The following CHLSN variants were observed in gnomAD, a reference collection of about 807,000 sequenced individuals.
The protein encoded by CHLSN is protein cholesin.
the CHLSN span, among the ~76,000 whole-genome samples, chr7:1,003,937 G>C: frequency 2.9e-5 from 4 of 137,622 alleles, no homozygotes; most frequent in Non-Finnish European, 4.8e-5. Flanking sequence ...AGTCCTGTGG[G>C]TGGGGAGTCC....
the CHLSN span, among the ~76,000 whole-genome samples, chr7:999,980 C>T: frequency 6.6e-6 from 1 of 152,246 alleles, no homozygotes; most frequent in African/African-American, 2.4e-5. Flanking sequence ...AGACACACAT[C>T]ACGCGCACAC....
chr7:1,091,213 T>A, the CHLSN span, among the ~76,000 whole-genome samples: 2 of 152,182 alleles, frequency 1.3e-5, no homozygotes, highest in African/African-American at 4.8e-5. Flanking sequence ...AAGAAGGCCA[T>A]GTACTTCCCA....
the CHLSN span, among the ~76,000 whole-genome samples, chr7:1,062,627 T>C: frequency 6.6e-5 from 10 of 152,140 alleles, no homozygotes; most frequent in Non-Finnish European, 1.5e-4. Context: ...AAAGTCACCA[T>C]TGACTACACC....
At chr7:1,011,515 C>T in the CHLSN span, among the ~76,000 whole-genome samples, 5 of 149,218 alleles carry the variant, frequency 3.4e-5, no homozygotes, top group African/African-American at 1.3e-4. Context: ...CCTGACACAC[C>T]CACACCCAGA....
At chr7:1,074,166 C>T in the CHLSN span, among the ~76,000 whole-genome samples, 119 of 15,198 alleles carry the variant, frequency 7.8e-3, 5 homozygotes, top group African/African-American at 0.046. Context: ...CCCCGCACCC[C>T]GCCGCCGTCA....
the CHLSN span, among the ~76,000 whole-genome samples, chr7:1,094,370 C>G: frequency 6.6e-6 from 1 of 152,254 alleles, no homozygotes; most frequent in South Asian, 2.1e-4. Context: ...GGGAACTAGC[C>G]ACCTGTACTA....
the CHLSN span, chr7:1,127,241 G>A: frequency 6.3e-7 from 1 of 1,586,944 alleles, no homozygotes; most frequent in Non-Finnish European, 8.5e-7. Flanking sequence ...GGCCAGTGAA[G>A]CACAGGCGGC....
the CHLSN span, chr7:987,514 G>A: frequency 8.2e-4 from 1,249 of 1,530,202 alleles, 6 homozygotes; most frequent in Middle Eastern, 0.013. Context: ...ACAGCTGGGC[G>A]GCTTCCTGCT....
the CHLSN span, among the ~76,000 whole-genome samples, chr7:1,117,485 G>A: frequency 0.01 from 1,409 of 135,476 alleles, 43 homozygotes; most frequent in East Asian, 0.1. Context: ...TCTACGGACC[G>A]GCTTCCATCA....
the CHLSN span, among the ~76,000 whole-genome samples, chr7:1,095,630 CG>C: frequency 6.6e-6 from 1 of 152,256 alleles, no homozygotes; most frequent in African/African-American, 2.4e-5. Flanking sequence ...GAGACCCACA[CG>C]GAACGTGGTC....
chr7:1,008,196 T>C, the CHLSN span, among the ~76,000 whole-genome samples: 1 of 152,164 alleles, frequency 6.6e-6, no homozygotes, highest in Non-Finnish European at 1.5e-5. Context: ...AGTCCATTCC[T>C]GCGGCTGGCA....
At chr7:1,002,691 GAGTGGAGCCCTGTGGGT>G in the CHLSN span, among the ~76,000 whole-genome samples, 1 of 84,074 alleles carries the variant, frequency 1.2e-5, no homozygotes, top group African/African-American at 6.6e-5. Context: ...TCCTGCGGGT[GAGTGGAGCCCTGTGGGT>G]GAGTGGAGCC....
the CHLSN span, chr7:1,028,197 G>C: frequency 1.0e-6 from 1 of 995,388 alleles, no homozygotes; most frequent in Non-Finnish European, 1.2e-6. Flanking sequence ...CGGGGCTGGG[G>C]CAGGGCCCCT....
the CHLSN span, chr7:1,000,657 C>G: frequency 1.2e-6 from 1 of 852,928 alleles, no homozygotes; most frequent in Non-Finnish European, 1.9e-6. Context: ...GGGAGCCCCA[C>G]CAGGTACTAC....
chr7:1,057,033 C>T, the CHLSN span, among the ~76,000 whole-genome samples: 3 of 152,128 alleles, frequency 2.0e-5, no homozygotes. Flanking sequence ...CTCCAAGGCA[C>T]CGGGTCCTGA....
chr7:1,086,371 C>T, the CHLSN span, among the ~76,000 whole-genome samples: 13 of 152,308 alleles, frequency 8.5e-5, no homozygotes, highest in African/African-American at 3.1e-4. Context: ...ATCTCAACTT[C>T]ACAGCTGGTC....
chr7:1,093,755 A>C, the CHLSN span: 1 of 451,800 alleles, frequency 2.2e-6, no homozygotes, highest in Non-Finnish European at 4.7e-6. Context: ...AAATGTAAGA[A>C]AAGCTGATGA....
chr7:1,055,574 A>G, the CHLSN span: 2 of 391,936 alleles, frequency 5.1e-6, no homozygotes, highest in Non-Finnish European at 1.0e-5. Flanking sequence ...GACTCTGTGC[A>G]GCACAGGTGG....
the CHLSN span, among the ~76,000 whole-genome samples, chr7:1,016,281 A>G: frequency 1.9e-5 from 1 of 52,292 alleles, no homozygotes; most frequent in Non-Finnish European, 3.3e-5. Context: ...GCACGCCAGC[A>G]CACAGCAGTG....
Sources: gnomAD v4.1 joint callset for allele counts (sites outside exome capture counted in the v4.1 genomes callset) on GRCh38, gnomAD v4.1.1 for gene constraint, MANE v1.5 for transcripts, NCBI Gene and HGNC (gene_info 2026-07-23, HGNC 2026-07-21) for gene names.